CLCC1: variants seen among roughly 807,000 people sequenced by gnomAD.
The protein encoded by CLCC1 is chloride channel CLIC-like protein 1.
In CLCC1, 39 loss-of-function variants were observed where a neutral mutation model predicts 63.3. The observed-to-expected ratio is 0.62, with a 90% CI of 0.48 to 0.81. The LOEUF (loss-of-function observed/expected upper bound fraction) is 0.81. Ranked by LOEUF, CLCC1 falls within the 30% of genes least tolerant of loss-of-function variation. CLCC1 has a pLI of 0.00. For synonymous variants in CLCC1, 217 were observed against 239.8 expected (o/e 0.90, Z 0.88); for missense variants, 549 against 669.4 (o/e 0.82, Z 1.98).
intron 1 of CLCC1, among the ~76,000 whole-genome samples, 168 bp downstream of exon 1, chr1:108,963,193 G>C (rs1365877424): frequency 6.6e-6 from 1 of 152,170 alleles, no homozygotes; most frequent in Admixed American, 6.5e-5. Context: ...TAGGAGCCCG[G>C]GGCACCCACA....
intron 2 of CLCC1, among the ~76,000 whole-genome samples, chr1:108,960,782 AG>A (rs1441568101): frequency 3.3e-5 from 5 of 152,066 alleles, no homozygotes; most frequent in Non-Finnish European, 4.4e-5. Context: ...GGAGATTTGG[AG>A]GGGAAAAAAG....
chr1:108,959,519 CTGT>C (rs1289317658), intron 2 of CLCC1, among the ~76,000 whole-genome samples: 1 of 152,130 alleles, frequency 6.6e-6, no homozygotes, highest in Non-Finnish European at 1.5e-5. Context: ...CAGTACATAA[CTGT>C]TATTATTGTG....
chr1:108,935,256 A>ATTTC (rs1410514411), intron 11 of CLCC1, among the ~76,000 whole-genome samples: 1 of 152,248 alleles, frequency 6.6e-6, no homozygotes, highest in Non-Finnish European at 1.5e-5. Flanking sequence ...TTTGACAAAT[A>ATTTC]TTTCTTGAGC....
At chr1:108,953,306 G>T (rs528550052) in intron 2 of CLCC1, among the ~76,000 whole-genome samples, 202 of 152,254 alleles carry the variant, frequency 1.3e-3, no homozygotes, top group African/African-American at 3.6e-3. Context: ...GCCATTTATC[G>T]GTCTGTCTCT....
chr1:108,958,475 A>G (rs1422061578), intron 2 of CLCC1, among the ~76,000 whole-genome samples: 1 of 151,546 alleles, frequency 6.6e-6, no homozygotes, highest in East Asian at 1.9e-4. Flanking sequence ...CAAGGAATCT[A>G]TACTTTACTT....
intron 12 of CLCC1, chr1:108,934,423 A>G: frequency 4.1e-6 from 2 of 482,174 alleles, no homozygotes; most frequent in Non-Finnish European, 7.2e-6. Context: ...TTCATCTTAA[A>G]ATAAACACTT....
chr1:108,949,061 T>C (rs1326821322), intron 4 of CLCC1, among the ~76,000 whole-genome samples: 1 of 152,228 alleles, frequency 6.6e-6, no homozygotes, highest in East Asian at 1.9e-4. Context: ...TTATCCCCCC[T>C]ACTTCCCTAA....
chr1:108,940,106 G>C lies in CLCC1; in HGVS notation c.833C>G (p.Pro278Arg), dbSNP rs757283769. The C allele has an allele frequency of 6.2e-7, 1 of 1,613,450 alleles. No individual in the cohort carries two copies. The highest frequency in any genetic ancestry group is 8.5e-7 in the Non-Finnish European group (1 of 1,179,548). Residue 278 changes from proline (P) to arginine (R), a missense_variant, in exon 9 of 13, where the codon CCA becomes CGA. Pro to Arg is a moderately radical substitution (Grantham distance 103). Transcript: ENST00000369969. ...TAAGAGCTCATAGTATTTTTGGCATGGGTCATCCTTATAGGTCCATGAACT... is the reference window on the plus strand; with the variant it reads ...TAAGAGCTCATAGTATTTTTGGCATCGGTCATCCTTATAGGTCCATGAACT... ...FRSSWTYKDD[P>R]CQKYYELLLV...
chr1:108,949,787 A>G lies in CLCC1; in HGVS notation c.231+33T>C, dbSNP rs576905694. ...AATATAGAGCGATTTAACATAATAT[A>G]AAAATATAAAATTTATCAATAAAAA... On this transcript the variant is annotated intron_variant, in intron 4 of 12. Transcript: ENST00000369969. 2.6e-5 allele frequency: 30 copies of G among 1,145,270 alleles called. No individual in the cohort carries two copies. In the Admixed American group the frequency reaches 6.8e-4, roughly 26 times the overall value. 70.9% of individuals were successfully genotyped at this position (1,145,270 alleles called of 1,614,324 possible).
In CLCC1 at chr1:108,956,723, AC is replaced by A. The variant is rs1340134252; in HGVS notation, c.-12+5585del. Among the ~76,000 whole-genome samples, 7 of 151,212 alleles carry A rather than the reference AC, an allele frequency of 4.6e-5. No individual in the cohort carries two copies. In the East Asian group the frequency reaches 1.4e-3, roughly 29 times the overall value. ...TACATGCAAGCAGATAACCACAAGA[AC>A]ATTTAAGGAGAAAAATAAGATAATC... On this transcript the variant is annotated intron_variant, in intron 2 of 12. Transcript: ENST00000369969.
Position 108,934,611 on chromosome 1 carries a change from A to AG in CLCC1, c.*45+13dup. The AG allele has an allele frequency of 1.3e-6, 2 of 1,551,358 alleles. No homozygotes were observed. Among genetic ancestry groups the AG allele is most frequent in the Non-Finnish European group, 1.7e-6 (2 of 1,146,668 alleles). On this transcript the variant is annotated intron_variant, in intron 12 of 12. Transcript: ENST00000369969. Reference sequence around the variant, plus strand: ...CTTGCAGAGAAGAGAAAGAGAGTGAAGAGTATACTTTACAAAGCTCGAAGG... The same window carrying AG: ...CTTGCAGAGAAGAGAAAGAGAGTGAAGGAGTATACTTTACAAAGCTCGAAGG...
At chr1:108,954,702 T>C (rs1199516096) in intron 2 of CLCC1, among the ~76,000 whole-genome samples, 2 of 151,150 alleles carry the variant, frequency 1.3e-5, no homozygotes, top group East Asian at 1.9e-4. Flanking sequence ...GCAACAAAAA[T>C]GGTGATGTTA....
chr1:108,939,873 T>C, intron 9 of CLCC1, 91 bp from the exon 10 acceptor site: 1 of 1,400,986 alleles, frequency 7.1e-7, no homozygotes, highest in Non-Finnish European at 9.7e-7. Context: ...GCTGAAAGTA[T>C]GTTACATAAA....
intron 12 of CLCC1, 30 bp downstream of exon 12, chr1:108,934,590 CAGAGA>C (rs1332693878): frequency 1.3e-6 from 2 of 1,484,266 alleles, no homozygotes; most frequent in African/African-American, 2.8e-5. Context: ...AGAATTCTTG[CAGAGA>C]AGAGAAAGAG....
At chr1:108,958,941 A>G (rs1557900892) in intron 2 of CLCC1, among the ~76,000 whole-genome samples, 2 of 151,238 alleles carry the variant, frequency 1.3e-5, no homozygotes, top group Non-Finnish European at 2.9e-5. Context: ...TGGGAGGCCG[A>G]GGTGGGCGGA....
intron 6 of CLCC1, 33 bp from the exon 7 acceptor site, chr1:108,943,648 A>G: frequency 6.2e-7 from 1 of 1,610,254 alleles, no homozygotes; most frequent in Non-Finnish European, 8.5e-7. Context: ...ATCAGCCACC[A>G]AAAACACTTA....
intron 2 of CLCC1, among the ~76,000 whole-genome samples, chr1:108,961,921 C>A (rs1656701869): frequency 2.0e-5 from 3 of 152,132 alleles, no homozygotes; most frequent in Admixed American, 2.0e-4. Context: ...TTAATTTAAT[C>A]CTCACAAAAC....
chr1:108,943,425 C>G, intron 7 of CLCC1, 50 bp downstream of exon 7: 1 of 1,575,440 alleles, frequency 6.3e-7, no homozygotes, highest in Non-Finnish European at 8.7e-7. Context: ...AGTCTTCTTT[C>G]ATTGTGAATA....
At position 108,934,873 on chromosome 1, in the gene CLCC1, C is replaced by T. The variant is rs1299832625; in HGVS notation, c.1453G>A (p.Glu485Lys). ...GGILGEGTPK[E>K]SSTESSQSAK... ...GACTGGCTGCTTTCAGTACTGCTTT[C>T]TTTCGGTGTGCCTTCCCCCAGGATT... Residue 485 changes from glutamate (E) to lysine (K), a missense_variant, in exon 12 of 13, where the codon GAA (glutamate) becomes AAA (lysine). Coordinates refer to ENST00000369969, the MANE Select transcript of CLCC1 (RefSeq NM_001377458.1). 1 of 1,614,036 alleles carries T rather than the reference C, an allele frequency of 6.2e-7. No homozygotes were observed. The highest frequency in any genetic ancestry group is 8.5e-7 in the Non-Finnish European group (1 of 1,180,040).
Sources: allele counts gnomAD v4.1 joint callset (sites outside exome capture counted in the v4.1 genomes callset), GRCh38; gene constraint gnomAD v4.1.1; transcripts MANE v1.5; gene names NCBI Gene and HGNC (gene_info 2026-07-23, HGNC 2026-07-21).